Variants in NRXN3 observed in about 807,000 individuals in gnomAD.
NRXN3 encodes the protein neurexin 3, also known as neurexin III.
NRXN3 carries 32 observed loss-of-function variants against 137.6 expected under a neutral mutation model. The ratio of observed to expected loss-of-function variants is 0.23; its 90% CI spans 0.18 to 0.31. NRXN3 has a LOEUF of 0.31. Among genes scored for constraint, NRXN3 ranks in the 10% least tolerant of loss-of-function variants. The pLI is 1.00. For missense variants in NRXN3, 1,574 were observed against 2,062.5 expected (o/e 0.76, Z 4.59); for synonymous variants, 798 against 784.5 (o/e 1.02, Z -0.29).
chr14:79,844,092 T>C (rs1331597291), intron 20 of NRXN3, among the ~76,000 whole-genome samples: 2 of 152,252 alleles, frequency 1.3e-5, no homozygotes, highest in East Asian at 3.9e-4. Context: ...TTCCCTTTTA[T>C]GGCTGAATAG....
intron 8 of NRXN3, among the ~76,000 whole-genome samples, chr14:78,778,927 A>G (rs543393236): frequency 1.3e-5 from 2 of 151,810 alleles, no homozygotes; most frequent in East Asian, 3.9e-4. Context: ...TGCCTGTCAT[A>G]TTTATTTTAA....
At chr14:79,211,642 G>C (rs2067677857) in intron 15 of NRXN3, among the ~76,000 whole-genome samples, 1 of 152,106 alleles carries the variant, frequency 6.6e-6, no homozygotes, top group Non-Finnish European at 1.5e-5. Flanking sequence ...TTTAAATCCT[G>C]TTCTCTTAAT....
At chr14:78,703,650 C>T (rs2098313685) in intron 6 of NRXN3, 1 of 152,168 alleles carries the variant, frequency 6.6e-6, no homozygotes, top group African/African-American at 2.4e-5. Flanking sequence ...TTGTAGTCAA[C>T]TCTGCTCCAC....
intron 19 of NRXN3, among the ~76,000 whole-genome samples, chr14:79,739,016 G>A (rs1201778881): frequency 6.6e-6 from 1 of 152,098 alleles, no homozygotes; most frequent in Non-Finnish European, 1.5e-5. Flanking sequence ...TATAAAATAT[G>A]GTGTAAATAA....
intron 8 of NRXN3, among the ~76,000 whole-genome samples, chr14:78,751,902 C>T (rs967169643): frequency 5.3e-5 from 8 of 152,124 alleles, no homozygotes; most frequent in Non-Finnish European, 1.2e-4. Context: ...TTCATGTACA[C>T]GGCAAAGCAT....
chr14:79,639,710 G>T (rs756010149), intron 16 of NRXN3, among the ~76,000 whole-genome samples: 1 of 152,140 alleles, frequency 6.6e-6, no homozygotes, highest in Non-Finnish European at 1.5e-5. Flanking sequence ...GTAACTTTCT[G>T]CTGGGAACAG....
rs74450716 is a variant in NRXN3, at chr14:78,347,512, A to T, written c.757+49652A>T. Among the ~76,000 whole-genome samples the T allele has an allele frequency of 6.8e-4, 103 of 152,228 alleles. No homozygotes were observed. In the East Asian group the frequency reaches 0.011, roughly 16 times the overall value. ...CTTTCTAAGCTGTTGCCACGCTGAA[A>T]TTTCCCCTTCATTCCCCTACCCATA... is the stretch of plus-strand genomic sequence containing the variant. On this transcript the variant is annotated intron_variant, in intron 4 of 20. Coordinates refer to ENST00000335750, the MANE Select transcript of NRXN3 (RefSeq NM_001330195.2).
At chr14:78,864,724 G>A (rs2099082103) in intron 10 of NRXN3, among the ~76,000 whole-genome samples, 1 of 152,176 alleles carries the variant, frequency 6.6e-6, no homozygotes, top group African/African-American at 2.4e-5. Flanking sequence ...AGGGAATCCT[G>A]TGTATTTTAG....
At chr14:78,876,702 A>G (rs1247039975) in intron 10 of NRXN3, among the ~76,000 whole-genome samples, 2 of 152,166 alleles carry the variant, frequency 1.3e-5, no homozygotes, top group African/African-American at 4.8e-5. Context: ...CAAATGTGTG[A>G]TCCCACCTAA....
intron 20 of NRXN3, among the ~76,000 whole-genome samples, chr14:79,845,604 C>CGGGG (rs2099365777): frequency 1.1e-5 from 1 of 89,786 alleles, no homozygotes. Context: ...GAGAGAGAGA[C>CGGGG]AGAGAGAGAG....
At chr14:79,071,695 G>A (rs1411942806) in intron 15 of NRXN3, among the ~76,000 whole-genome samples, 2 of 152,140 alleles carry the variant, frequency 1.3e-5, no homozygotes, top group African/African-American at 4.8e-5. Context: ...GGAGGGAAAA[G>A]TGGGGACGGT....
intron 15 of NRXN3, among the ~76,000 whole-genome samples, chr14:79,444,054 G>A (rs1370855813): frequency 6.6e-6 from 1 of 152,168 alleles, no homozygotes; most frequent in Non-Finnish European, 1.5e-5. Context: ...TTGAGATGAA[G>A]GGATGAAAAT....
At chr14:79,477,595 G>A (rs1327692058) in intron 16 of NRXN3, among the ~76,000 whole-genome samples, 1 of 152,096 alleles carries the variant, frequency 6.6e-6, no homozygotes, top group Non-Finnish European at 1.5e-5. Context: ...ATGATCGATT[G>A]TTTCTGAAAG....
intron 4 of NRXN3, among the ~76,000 whole-genome samples, chr14:78,537,846 G>T (rs1160714807): frequency 6.6e-6 from 1 of 152,122 alleles, no homozygotes; most frequent in Non-Finnish European, 1.5e-5. Context: ...AGTTTTCCCA[G>T]CACCATTTAT....
Position 79,777,931 on chromosome 14 carries a change from G to GA in NRXN3, c.4015-27168dup, listed in dbSNP as rs113744621. ...ACTATAGCTACCTCAAGATTTTACA[G>GA]AAAAAAAAAAAAATGAGACCTTCTC... On this transcript the variant is annotated intron_variant, in intron 19 of 20. Coordinates refer to ENST00000335750, the MANE Select transcript of NRXN3 (RefSeq NM_001330195.2). Among the ~76,000 whole-genome samples the GA allele has an allele frequency of 4.6e-3, 649 of 139,614 alleles. 1 individual carries two copies. Among genetic ancestry groups the GA allele is most frequent in the Middle Eastern group, 0.023 (6 of 260 alleles). The allele number at this position is 139,614 out of a possible 152,430, so 91.6% of individuals were successfully genotyped here.
At chr14:78,936,652 A>G (rs2099340173) in intron 10 of NRXN3, among the ~76,000 whole-genome samples, 1 of 152,160 alleles carries the variant, frequency 6.6e-6, no homozygotes. Flanking sequence ...AAAATTGTAC[A>G]CCTTAAATAT....
intron 4 of NRXN3, among the ~76,000 whole-genome samples, chr14:78,363,387 A>G (rs1301243988): frequency 6.6e-6 from 1 of 152,226 alleles, no homozygotes; most frequent in African/African-American, 2.4e-5. Flanking sequence ...ATGATTGTGA[A>G]GAAGAGAACT....
intron 15 of NRXN3, among the ~76,000 whole-genome samples, chr14:79,153,475 AT>A (rs112244406): frequency 0.042 from 6,430 of 151,932 alleles, 499 homozygotes; most frequent in African/African-American, 0.15. Flanking sequence ...CTTACATTTG[AT>A]CCACCCATTG....
chr14:78,754,154 G>A (rs1341607276), intron 8 of NRXN3, among the ~76,000 whole-genome samples: 1 of 152,206 alleles, frequency 6.6e-6, no homozygotes, highest in African/African-American at 2.4e-5. Context: ...GGATTGTTAA[G>A]CTCGAGTTTT....
Sources: allele counts gnomAD v4.1 joint callset (sites outside exome capture counted in the v4.1 genomes callset), GRCh38; gene constraint gnomAD v4.1.1; transcripts MANE v1.5; gene names NCBI Gene and HGNC (gene_info 2026-07-23, HGNC 2026-07-21).